The following H2BC4 variants were observed in gnomAD, a reference collection of about 807,000 sequenced individuals.
The protein encoded by H2BC4 is H2B clustered histone 4, also known as histone H2B type 1-C/E/F/G/I.
A neutral mutation model predicts 6.2 loss-of-function variants in H2BC4; 10 were observed. That is an observed-to-expected ratio of 1.61 (90% CI 0.99 to 2.73). The LOEUF is 2.73. H2BC4 is among the 30% of genes most tolerant of loss of function. The probability of loss-of-function intolerance (pLI) is 0.00; values close to 1 mark genes in which losing one functional copy is unlikely to be tolerated. For synonymous variants in H2BC4, 146 were observed against 70.7 expected (o/e 2.07, Z -5.35); for missense variants, 176 against 168.7 (o/e 1.04, Z -0.24).
At chr6:26,117,743 C>T (rs1210060755) in intron 1 of H2BC4, among the ~76,000 whole-genome samples, 2 of 152,070 alleles carry the variant, frequency 1.3e-5, no homozygotes, top group Admixed American at 1.3e-4. Flanking sequence ...ACTGATTTCA[C>T]TCAACAAAGT....
chr6:26,117,609 T>G (rs1763440362), intron 1 of H2BC4, among the ~76,000 whole-genome samples: 1 of 152,206 alleles, frequency 6.6e-6, no homozygotes, highest in African/African-American at 2.4e-5. Flanking sequence ...CACCCCATCT[T>G]TATGAGTAGG....
At chr6:26,115,201 G>A (rs1410158441) in intron 1 of H2BC4, 2 of 152,178 alleles carry the variant, frequency 1.3e-5, no homozygotes, top group East Asian at 1.9e-4. Flanking sequence ...TATTGTATTT[G>A]ACTCTGAGAA....
downstream of H2BC4, among the ~76,000 whole-genome samples, chr6:26,121,850 C>T (rs972344659): frequency 3.9e-4 from 59 of 151,526 alleles, no homozygotes; most frequent in African/African-American, 1.4e-3. Flanking sequence ...GTCCGGAGTT[C>T]GAGACCAGCC....
At chr6:26,120,642 T>C (rs937803818), downstream of H2BC4, among the ~76,000 whole-genome samples, 3 of 152,338 alleles carry the variant, frequency 2.0e-5, no homozygotes, top group African/African-American at 4.8e-5. Context: ...ATATGAATAA[T>C]TCTGATTCTC....
At chr6:26,118,184 A>T (rs1047185877) in intron 1 of H2BC4, among the ~76,000 whole-genome samples, 1 of 144,028 alleles carries the variant, frequency 6.9e-6, no homozygotes, top group Non-Finnish European at 1.5e-5. Flanking sequence ...AATAATCTGC[A>T]TATTAGAGAA....
chr6:26,123,667 G>A lies in H2BC4; in HGVS notation c.238C>T (p.Arg80Cys), dbSNP rs1259715691. Residue 80 changes from arginine to cysteine, a missense_variant, in exon 1 of 1, where the codon CGC (arginine) becomes TGC (cysteine). Transcript: ENST00000396984. ...GAGCGCTTGTTGTAATGCGCCAGGC[G>A]GGAAGCCTCGCCCGCGATGCGCTCA... Reference protein sequence around the residue: ...IFERIAGEASRLAHYNKRSTI... With the variant: ...IFERIAGEASCLAHYNKRSTI... 3 of 1,614,142 alleles carry A rather than the reference G, an allele frequency of 1.9e-6. No homozygotes were observed. Among genetic ancestry groups the A allele is most frequent in the Non-Finnish European group, 2.5e-6 (3 of 1,180,056 alleles).
chr6:26,123,472 G>C lies in H2BC4; in HGVS notation c.*52C>G. ...CAGCTCTTTTAGTGGGTATCTGGGT[G>C]GCTCTTAAAAGAGCCTTTGGGGTTA... On this transcript the variant is annotated 3_prime_UTR_variant, in exon 1 of 1. Transcript: ENST00000396984. The C allele has an allele frequency of 1.2e-6, 2 of 1,609,250 alleles. No individual in the cohort carries two copies. Among genetic ancestry groups the C allele is most frequent in the Non-Finnish European group, 1.7e-6 (2 of 1,178,072 alleles).
chr6:26,116,990 T>C (rs539416358), intron 1 of H2BC4, among the ~76,000 whole-genome samples: 32 of 152,296 alleles, frequency 2.1e-4, no homozygotes, highest in Non-Finnish European at 4.3e-4. Context: ...CTACTGGGAT[T>C]GTCTGTCAAT....
downstream of H2BC4, among the ~76,000 whole-genome samples, chr6:26,122,729 G>A (rs13200797): frequency 0.085 from 12,867 of 152,238 alleles, 595 homozygotes; most frequent in Non-Finnish European, 0.1. Context: ...AGCCCCCTAC[G>A]GAGATTTTAA....
At chr6:26,120,694 A>T (rs1042290707), downstream of H2BC4, among the ~76,000 whole-genome samples, 18 of 152,220 alleles carry the variant, frequency 1.2e-4, no homozygotes, top group African/African-American at 4.3e-4. Flanking sequence ...CCAGCATCAC[A>T]TCCCTTACAA....
rs537032398 is a variant in H2BC4, at chr6:26,123,860, G to A, written c.45C>T (p.Ser15=). ...TCTGCGCTTTGGTCACTGCCTTCTT[G>A]GAGCCCTTCTTCGGGGCGGGAGCAG... ...AKSAPAPKKG[S]KKAVTKAQKK... The change falls in exon 1 of 1, where the codon TCC becomes TCT. Residue 15 remains serine, a synonymous_variant. Coordinates refer to ENST00000396984, the MANE Select transcript of H2BC4 (RefSeq NM_003526.3). 2.5e-6 allele frequency: 4 copies of A among 1,614,190 alleles called. No individual in the cohort carries two copies. The Admixed American group carries it at 5.0e-5, about 20-fold the overall frequency.
downstream of H2BC4, among the ~76,000 whole-genome samples, chr6:26,113,388 T>A (rs198836): frequency 0.47 from 72,114 of 152,046 alleles, 17,741 homozygotes; most frequent in Non-Finnish European, 0.54. Context: ...AGTTGTTAGA[T>A]CATATTTATT....
chr6:26,118,564 A>G (rs1763454905), downstream of H2BC4, among the ~76,000 whole-genome samples: 1 of 152,234 alleles, frequency 6.6e-6, no homozygotes, highest in Non-Finnish European at 1.5e-5. Context: ...TGGGAGGGCC[A>G]GATCAAAATT....
chr6:26,119,677 T>G (rs780198443), downstream of H2BC4, among the ~76,000 whole-genome samples: 10 of 151,976 alleles, frequency 6.6e-5, no homozygotes, highest in Non-Finnish European at 1.3e-4. Context: ...GCAAGTTAAA[T>G]TAGCTTTTGT....
chr6:26,121,945 C>T (rs938793319), downstream of H2BC4, among the ~76,000 whole-genome samples: 10 of 151,634 alleles, frequency 6.6e-5, no homozygotes, highest in Non-Finnish European at 8.8e-5. Context: ...CCCAGCTACT[C>T]CGGAGGCTGA....
At chr6:26,123,042 G>A (rs2113798696), downstream of H2BC4, among the ~76,000 whole-genome samples, 1 of 152,270 alleles carries the variant, frequency 6.6e-6, no homozygotes, top group African/African-American at 2.4e-5. Flanking sequence ...TTACTGCCCA[G>A]GTTCCCACTC....
chr6:26,119,575 T>C (rs1458041201), downstream of H2BC4, among the ~76,000 whole-genome samples: 1 of 152,190 alleles, frequency 6.6e-6, no homozygotes, highest in African/African-American at 2.4e-5. Context: ...TCATTTAATT[T>C]GGTTCAATGA....
At chr6:26,116,590 C>T (rs1484727102) in intron 1 of H2BC4, among the ~76,000 whole-genome samples, 1 of 152,014 alleles carries the variant, frequency 6.6e-6, no homozygotes. Context: ...GTTCCAGATA[C>T]TCAGGATGCT....
chr6:26,123,205 T>C (rs1763531497), downstream of H2BC4, among the ~76,000 whole-genome samples: 1 of 152,232 alleles, frequency 6.6e-6, no homozygotes. Flanking sequence ...GACAGACAGC[T>C]GGGTCTGAAA....
Sources: gnomAD v4.1 joint callset for allele counts (sites outside exome capture counted in the v4.1 genomes callset) on GRCh38, gnomAD v4.1.1 for gene constraint, MANE v1.5 for transcripts, NCBI Gene and HGNC (gene_info 2026-07-23, HGNC 2026-07-21) for gene names.